The following CFAP20DC variants were observed in gnomAD, a reference collection of about 807,000 sequenced individuals.
The protein encoded by CFAP20DC is protein CFAP20DC.
CFAP20DC carries 84 observed loss-of-function variants against 101.7 expected under a neutral mutation model. That is an observed-to-expected ratio of 0.83 (90% CI 0.69 to 0.99). The LOEUF is 0.99. Ranked by LOEUF, CFAP20DC falls within the 50% of genes least tolerant of loss-of-function variation. The probability of loss-of-function intolerance (pLI) is 0.00; values close to 1 mark genes in which losing one functional copy is unlikely to be tolerated. For missense variants in CFAP20DC, 1,007 were observed against 970.3 expected, an observed-to-expected ratio of 1.04 and a Z score of -0.50; for synonymous variants, 359 against 351.2, an observed-to-expected ratio of 1.02 and a Z score of -0.25.
chr3:59,017,012 C>T (rs2093703139), intron 4 of CFAP20DC, among the ~76,000 whole-genome samples: 1 of 152,052 alleles, frequency 6.6e-6, no homozygotes. Context: ...TACAATTATG[C>T]CCTCAGCTGC....
At chr3:58,966,248 T>C (rs776417463) in intron 4 of CFAP20DC, among the ~76,000 whole-genome samples, 56 of 152,276 alleles carry the variant, frequency 3.7e-4, no homozygotes, top group Non-Finnish European at 7.6e-4. Flanking sequence ...AGCCAGGGAA[T>C]GGCCCTTGTT....
chr3:58,765,533 G>C (rs2070226713), intron 15 of CFAP20DC, among the ~76,000 whole-genome samples: 2 of 142,622 alleles, frequency 1.4e-5, no homozygotes, highest in South Asian at 4.5e-4. Flanking sequence ...AACATGAGCT[G>C]TACCCATCCA....
At chr3:58,841,782 T>C (rs762886156) in intron 13 of CFAP20DC, among the ~76,000 whole-genome samples, 103 of 152,252 alleles carry the variant, frequency 6.8e-4, no homozygotes, top group Non-Finnish European at 1.3e-3. Context: ...GAATTTATAA[T>C]TGGTAGCATG....
chr3:58,782,853 G>A (rs2071968361), intron 15 of CFAP20DC, among the ~76,000 whole-genome samples: 1 of 152,030 alleles, frequency 6.6e-6, no homozygotes, highest in African/African-American at 2.4e-5. Context: ...GCAATCTACA[G>A]ATTCAATGCA....
chr3:58,838,799 A>C (rs147046078), intron 13 of CFAP20DC, among the ~76,000 whole-genome samples: 117 of 152,280 alleles, frequency 7.7e-4, no homozygotes, highest in African/African-American at 2.7e-3. Flanking sequence ...CTATCTTCTG[A>C]GTTCAGGGTA....
rs548399211 is a variant in CFAP20DC at position 58,922,006 on chromosome 3, C to T, written c.394-8142G>A. ...GTCTAATTTGTCTGCTATTAGTATA[C>T]GTACTCTAGCTTTTTTATGATTAGT... On this transcript the variant is annotated intron_variant, in intron 5 of 16. Transcript: ENST00000482387. Among the ~76,000 whole-genome samples the T allele has an allele frequency of 1.6e-4, 25 of 152,238 alleles. No individual in the cohort carries two copies. In the East Asian group the frequency reaches 1.7e-3, roughly 11 times the overall value.
intron 13 of CFAP20DC, among the ~76,000 whole-genome samples, chr3:58,843,136 A>T (rs2077297263): frequency 6.6e-6 from 1 of 152,224 alleles, no homozygotes; most frequent in African/African-American, 2.4e-5. Context: ...ACAGTTCCTC[A>T]CCAGCAACGG....
chr3:58,737,486 C>A (rs2067784559), downstream of CFAP20DC, among the ~76,000 whole-genome samples: 1 of 152,050 alleles, frequency 6.6e-6, no homozygotes, highest in Non-Finnish European at 1.5e-5. This position sits in a 1 kb window ranked among gnomAD's most constrained non-coding sequence, Gnocchi z 4.1. Context: ...GTGGATAAAA[C>A]CCTTGAGATG....
chr3:59,021,788 T>C (rs1382716826), intron 4 of CFAP20DC, among the ~76,000 whole-genome samples: 1 of 151,912 alleles, frequency 6.6e-6, no homozygotes, highest in Non-Finnish European at 1.5e-5. Context: ...AAATCAGAGA[T>C]GAGAGTAGCT....
chr3:58,920,293 T>C (rs1440330688), intron 5 of CFAP20DC, among the ~76,000 whole-genome samples: 1 of 151,930 alleles, frequency 6.6e-6, no homozygotes, highest in Non-Finnish European at 1.5e-5. Flanking sequence ...GGGGTCTCCA[T>C]ATGTGGTCCA....
intron 5 of CFAP20DC, among the ~76,000 whole-genome samples, chr3:58,920,157 G>A (rs1316910865): frequency 1.4e-5 from 2 of 147,078 alleles, no homozygotes; most frequent in African/African-American, 5.1e-5. Flanking sequence ...CACTGCCAGT[G>A]GAGGCTGACT....
chr3:58,809,609 C>G (rs1261445704), intron 14 of CFAP20DC, among the ~76,000 whole-genome samples: 1 of 151,728 alleles, frequency 6.6e-6, no homozygotes, highest in Non-Finnish European at 1.5e-5. Context: ...AGGAAAGATC[C>G]AAAATTGACA....
chr3:58,900,642 T>C (rs566832815), intron 6 of CFAP20DC, among the ~76,000 whole-genome samples: 1 of 152,320 alleles, frequency 6.6e-6, no homozygotes, highest in South Asian at 2.1e-4. Flanking sequence ...TTGGCTGGAA[T>C]GGCCAGTTGA....
chr3:58,797,950 C>T (rs2073380825), intron 15 of CFAP20DC, among the ~76,000 whole-genome samples: 2 of 152,154 alleles, frequency 1.3e-5, no homozygotes, highest in African/African-American at 4.8e-5. Context: ...GAGCCTACTA[C>T]TGAGATCTAC....
chr3:58,947,008 A>C (rs1223825730), intron 4 of CFAP20DC, among the ~76,000 whole-genome samples: 1 of 152,216 alleles, frequency 6.6e-6, no homozygotes, highest in Non-Finnish European at 1.5e-5. Context: ...CAACTTGTTC[A>C]AGGTCTCATA....
intron 4 of CFAP20DC, among the ~76,000 whole-genome samples, chr3:58,957,955 G>C (rs755656162): frequency 6.6e-6 from 1 of 152,120 alleles, no homozygotes; most frequent in Non-Finnish European, 1.5e-5. Flanking sequence ...GGTGACTATA[G>C]TCAATAATAA....
At chr3:59,045,475 A>G (rs1199469864) in intron 3 of CFAP20DC, among the ~76,000 whole-genome samples, 1 of 152,144 alleles carries the variant, frequency 6.6e-6, no homozygotes, top group Non-Finnish European at 1.5e-5. Flanking sequence ...AATCATTCTG[A>G]TAAATCATAT....
At chr3:58,743,023 G>A (rs906134540) in intron 16 of CFAP20DC, among the ~76,000 whole-genome samples, 1 of 152,080 alleles carries the variant, frequency 6.6e-6, no homozygotes, top group Non-Finnish European at 1.5e-5. Context: ...ATCCTAAAAA[G>A]GCTACCAAAC....
intron 4 of CFAP20DC, among the ~76,000 whole-genome samples, chr3:58,949,006 G>A (rs894771102): frequency 6.6e-6 from 1 of 152,046 alleles, no homozygotes; most frequent in African/African-American, 2.4e-5. Flanking sequence ...CTTCTTCCTG[G>A]TTTAGTCTTG....
Sources: allele counts gnomAD v4.1 joint callset (sites outside exome capture counted in the v4.1 genomes callset), GRCh38; gene constraint gnomAD v4.1.1; non-coding constraint Gnocchi (gnomAD v3.1); transcripts MANE v1.5; gene names NCBI Gene and HGNC (gene_info 2026-07-23, HGNC 2026-07-21).